Variants in PPP4R4 observed in about 807,000 individuals in gnomAD.
PPP4R4 encodes serine/threonine-protein phosphatase 4 regulatory subunit 4.
PPP4R4 carries 70 observed loss-of-function variants against 121.8 expected under a neutral mutation model. The ratio of observed to expected loss-of-function variants is 0.57; its 90% CI spans 0.47 to 0.70. The LOEUF is 0.70. Among genes scored for constraint, PPP4R4 ranks in the 30% least tolerant of loss-of-function variants. PPP4R4 has a pLI of 0.00. For synonymous variants in PPP4R4, 348 were observed against 355.7 expected (o/e 0.98, Z 0.24); for missense variants, 875 against 1,033.6 (o/e 0.85, Z 2.10).
intron 8 of PPP4R4, among the ~76,000 whole-genome samples, chr14:94,238,609 A>G (rs1046721999): frequency 6.6e-6 from 1 of 152,236 alleles, no homozygotes; most frequent in Admixed American, 6.5e-5. Context: ...TAACTGCTCT[A>G]CTGAATGTAT....
intron 5 of PPP4R4, 104 bp from the exon 6 acceptor site, chr14:94,233,549 T>G (rs1481309086): frequency 4.3e-6 from 3 of 699,616 alleles, no homozygotes; most frequent in Non-Finnish European, 7.2e-6. Flanking sequence ...ATTCAGGTTC[T>G]TTAAAAACAT....
At chr14:94,221,619 T>C (rs760232237) in intron 3 of PPP4R4, among the ~76,000 whole-genome samples, 1 of 152,092 alleles carries the variant, frequency 6.6e-6, no homozygotes, top group Admixed American at 6.5e-5. Flanking sequence ...ATTAGGACAA[T>C]GTGAGTAAAT....
At chr14:94,237,893 A>T (rs1892429124) in intron 8 of PPP4R4, among the ~76,000 whole-genome samples, 1 of 152,214 alleles carries the variant, frequency 6.6e-6, no homozygotes, top group Admixed American at 6.5e-5. Context: ...TTGCTGTAAC[A>T]GAATACCTGA....
chr14:94,218,740 G>C (rs1238294368), intron 3 of PPP4R4, among the ~76,000 whole-genome samples: 1 of 115,880 alleles, frequency 8.6e-6, no homozygotes, highest in Admixed American at 8.4e-5. Context: ...GCACGTGCGC[G>C]CGCGCACACA....
chr14:94,241,677 C>G, intron 9 of PPP4R4, 111 bp from the exon 10 acceptor site: 1 of 757,530 alleles, frequency 1.3e-6, no homozygotes, highest in Non-Finnish European at 2.1e-6. Flanking sequence ...GTATCTGTAA[C>G]CATTTATTTA....
At chr14:94,276,257 G>A (rs1272409755) in intron 24 of PPP4R4, among the ~76,000 whole-genome samples, 1 of 152,176 alleles carries the variant, frequency 6.6e-6, no homozygotes, top group Non-Finnish European at 1.5e-5. Flanking sequence ...TCTTTTAAAT[G>A]TATTTTAGTG....
intron 17 of PPP4R4, among the ~76,000 whole-genome samples, chr14:94,258,487 T>A (rs1893596232): frequency 6.6e-6 from 1 of 152,202 alleles, no homozygotes. Flanking sequence ...AGATTGGCAC[T>A]GGGAGTTACT....
intron 2 of PPP4R4, among the ~76,000 whole-genome samples, chr14:94,180,834 T>A (rs1888943213): frequency 6.6e-6 from 1 of 151,960 alleles, no homozygotes. Context: ...TTTAACTTTC[T>A]CTTCCTATTT....
chr14:94,203,171 G>A (rs1002682427), intron 2 of PPP4R4, among the ~76,000 whole-genome samples: 1 of 152,078 alleles, frequency 6.6e-6, no homozygotes, highest in Non-Finnish European at 1.5e-5. Flanking sequence ...CATTACACTT[G>A]TGTAGTCACA....
chr14:94,262,500 TG>T (rs963358272), intron 19 of PPP4R4, among the ~76,000 whole-genome samples: 2 of 152,004 alleles, frequency 1.3e-5, no homozygotes, highest in Non-Finnish European at 2.9e-5. Context: ...GTCTACATAT[TG>T]TTATTATTAT....
intron 2 of PPP4R4, among the ~76,000 whole-genome samples, chr14:94,187,972 C>T (rs1293557073): frequency 6.6e-6 from 1 of 152,164 alleles, no homozygotes; most frequent in African/African-American, 2.4e-5. Context: ...AAGGAAATAC[C>T]TGCCAGGTTT....
rs531555652 is a variant in PPP4R4, at chr14:94,264,844, G to T, written c.2128-34G>T. On this transcript the variant is annotated intron_variant, in intron 19 of 24. Transcript: ENST00000304338. The stretch of plus-strand genomic sequence containing the variant: ...ACAATTTTCTAGACCTACTTCAGTT[G>T]TACCTTTAATGCAAGATACTGTCTT... The T allele has an allele frequency of 2.7e-6, 4 of 1,487,846 alleles. No individual in the cohort carries two copies. In the African/African-American group the frequency reaches 4.2e-5, roughly 16 times the overall value. The allele number at this position is 1,487,846 out of a possible 1,614,324, so 92.2% of individuals were successfully genotyped here. A position where few individuals can be genotyped will look rare whatever the true frequency, so the allele number is the denominator to read the frequency against.
chr14:94,211,069 A>G (rs572185957), intron 3 of PPP4R4, among the ~76,000 whole-genome samples: 1 of 152,308 alleles, frequency 6.6e-6, no homozygotes, highest in Admixed American at 6.5e-5. Flanking sequence ...TTTTTAAAAG[A>G]AAGTAATCTT....
At chr14:94,238,588 A>G (rs1188926374) in intron 8 of PPP4R4, among the ~76,000 whole-genome samples, 2 of 152,220 alleles carry the variant, frequency 1.3e-5, no homozygotes, top group Non-Finnish European at 2.9e-5. Context: ...AAATCATGTC[A>G]CAAAGACAGT....
chr14:94,275,594 A>G, intron 24 of PPP4R4, 73 bp downstream of exon 24: 1 of 1,504,100 alleles, frequency 6.6e-7, no homozygotes, highest in Non-Finnish European at 9.2e-7. Context: ...CTTCCCACTT[A>G]AGTACTTTCC....
At chr14:94,224,273 A>T (rs776224286) in intron 3 of PPP4R4, among the ~76,000 whole-genome samples, 10 of 152,194 alleles carry the variant, frequency 6.6e-5, no homozygotes, top group Non-Finnish European at 1.2e-4. Flanking sequence ...AGAATATTCA[A>T]ATTATAGTTT....
intron 23 of PPP4R4, among the ~76,000 whole-genome samples, chr14:94,269,524 A>T (rs1270218430): frequency 3.3e-5 from 5 of 152,076 alleles, no homozygotes; most frequent in Non-Finnish European, 5.9e-5. Flanking sequence ...AAATAAAAAA[A>T]AAAAAATTTA....
At chr14:94,265,740 G>C in intron 21 of PPP4R4, 54 bp from the exon 22 acceptor site, 1 of 1,300,578 alleles carries the variant, frequency 7.7e-7, no homozygotes, top group Non-Finnish European at 1.1e-6. Context: ...ATGGGGGTTG[G>C]AGCAGCCGAG....
In PPP4R4 at chr14:94,275,941, G is replaced by A. The variant is rs564743828; in HGVS notation, c.2597+420G>A. On this transcript the variant is annotated intron_variant, in intron 24 of 24. Coordinates refer to ENST00000304338, the MANE Select transcript of PPP4R4 (RefSeq NM_058237.2). Reference sequence around the variant, plus strand: ...GTGGCAGCATGGAACCCAGAATTGTGAGTCCAATAAACTGAAGAGATTTAC... The same window carrying A: ...GTGGCAGCATGGAACCCAGAATTGTAAGTCCAATAAACTGAAGAGATTTAC... 5.9e-5 allele frequency among the ~76,000 whole-genome samples: 9 copies of A among 152,312 alleles called. No individual in the cohort carries two copies. The South Asian group carries it at 1.9e-3, about 32-fold the overall frequency.
Sources: gnomAD v4.1 joint callset for allele counts (sites outside exome capture counted in the v4.1 genomes callset) on GRCh38, gnomAD v4.1.1 for gene constraint, MANE v1.5 for transcripts, NCBI Gene and HGNC (gene_info 2026-07-23, HGNC 2026-07-21) for gene names.